Variants in ARMH4 observed in about 807,000 individuals in gnomAD.
ARMH4 encodes the protein armadillo like helical domain containing 4.
Under a neutral mutation model 61.9 loss-of-function variants are expected in ARMH4, and 49 were observed. The observed-to-expected ratio is 0.79, with a 90% confidence interval of 0.63 to 1.00. The LOEUF is 1.00. Among genes scored for constraint, ARMH4 ranks in the 50% least tolerant of loss-of-function variants. The pLI, the probability that ARMH4 is intolerant of heterozygous loss-of-function variation, is 0.00. For missense variants in ARMH4, 934 were observed against 930.0 expected (o/e 1.00, Z -0.06); for synonymous variants, 368 against 341.5 (o/e 1.08, Z -0.85).
chr14:58,116,448 G>A (rs111439524), intron 4 of ARMH4: 5,428 of 375,064 alleles, frequency 0.014, 70 homozygotes, highest in African/African-American at 0.045. Flanking sequence ...GCCGAGGCAG[G>A]CAGACTTCTT....
intron 5 of ARMH4, among the ~76,000 whole-genome samples, chr14:58,085,926 C>T (rs947605217): frequency 2.0e-5 from 3 of 152,094 alleles, no homozygotes; most frequent in Admixed American, 6.6e-5. Context: ...AATGCTACAT[C>T]GTAATAATAA....
intron 1 of ARMH4, among the ~76,000 whole-genome samples, chr14:58,150,202 C>T (rs1029169921): frequency 7.9e-5 from 12 of 152,330 alleles, no homozygotes; most frequent in Admixed American, 1.3e-4. Flanking sequence ...TAAAGGGAAG[C>T]TGAAACTAGC....
Position 58,146,923 on chromosome 14 carries a change from A to G in ARMH4, c.-57+5152T>C, listed in dbSNP as rs181759076. On this transcript the variant is annotated intron_variant, in intron 1 of 7. Coordinates refer to ENST00000267485, the MANE Select transcript of ARMH4 (RefSeq NM_001001872.4). ...TTAAGGCACAATGAGCATCGCCCCA[A>G]GAGTGCTCAAGACACAGGAGGGCTG... Among the ~76,000 whole-genome samples, 32 of 152,346 alleles carry G rather than the reference A, an allele frequency of 2.1e-4. No homozygotes were observed. In the East Asian group the frequency reaches 4.2e-3, roughly 20 times the overall value.
intron 5 of ARMH4, among the ~76,000 whole-genome samples, chr14:58,018,054 GAAA>G (rs1168531957): frequency 1.3e-5 from 2 of 152,126 alleles, no homozygotes; most frequent in Non-Finnish European, 2.9e-5. Context: ...ATTGTTTTGT[GAAA>G]ACTGGATATC....
Position 58,089,110 on chromosome 14 carries a change from G to A in ARMH4, c.2089+7614C>T, listed in dbSNP as rs374829790. Among the ~76,000 whole-genome samples the A allele has an allele frequency of 8.5e-5, 13 of 152,286 alleles. 1 individual carries two copies. The South Asian group carries it at 1.4e-3, about 17-fold the overall frequency. On this transcript the variant is annotated intron_variant, in intron 5 of 7. Transcript: ENST00000267485. ...TAGCCAATCTACCATCTCTCTTTGT[G>A]CTGGTTACATTGGGCTGAGGTTTCT...
intron 5 of ARMH4, among the ~76,000 whole-genome samples, chr14:58,041,515 G>A (rs1883702962): frequency 6.6e-6 from 1 of 152,136 alleles, no homozygotes; most frequent in Non-Finnish European, 1.5e-5. Flanking sequence ...GACCATCGAT[G>A]CTAGGAAGAA....
intron 5 of ARMH4, among the ~76,000 whole-genome samples, chr14:58,071,164 T>A (rs912134736): frequency 2.0e-5 from 3 of 149,664 alleles, no homozygotes; most frequent in African/African-American, 7.3e-5. Context: ...TTATATATAT[T>A]ATATACAATA....
At chr14:58,010,246 G>GTA (rs10541219) in intron 6 of ARMH4, among the ~76,000 whole-genome samples, 3,208 of 151,580 alleles carry the variant, frequency 0.021, 36 homozygotes, top group Non-Finnish European at 0.034. Flanking sequence ...GAAGATATAT[G>GTA]TATATATATA....
At chr14:58,057,228 G>A (rs1026337184) in intron 5 of ARMH4, among the ~76,000 whole-genome samples, 2 of 152,192 alleles carry the variant, frequency 1.3e-5, no homozygotes, top group African/African-American at 2.4e-5. Flanking sequence ...TAAGAAGTAT[G>A]ATGCTTTCCT....
At chr14:58,040,455 G>C (rs1883650157) in intron 5 of ARMH4, among the ~76,000 whole-genome samples, 1 of 152,142 alleles carries the variant, frequency 6.6e-6, no homozygotes, top group Non-Finnish European at 1.5e-5. Context: ...TAGGATAATG[G>C]CCTGCAACTC....
chr14:58,011,364 A>G (rs1297997453), intron 6 of ARMH4, among the ~76,000 whole-genome samples: 2 of 152,220 alleles, frequency 1.3e-5, no homozygotes, highest in Admixed American at 6.5e-5. Flanking sequence ...TGCCATCAAC[A>G]GAAATATATT....
intron 4 of ARMH4, among the ~76,000 whole-genome samples, chr14:58,108,432 C>T (rs1050939276): frequency 6.6e-6 from 1 of 152,214 alleles, no homozygotes; most frequent in South Asian, 2.1e-4. Context: ...AATACTGTTA[C>T]ACCTATCTGC....
intron 1 of ARMH4, chr14:58,141,638 A>G (rs1887557283): frequency 4.8e-6 from 2 of 416,780 alleles, no homozygotes; most frequent in South Asian, 4.0e-5. Context: ...CACACCAACA[A>G]CCTGTACCCC....
chr14:58,113,423 ACTGTT>A (rs1319999678), intron 4 of ARMH4, among the ~76,000 whole-genome samples: 1 of 152,152 alleles, frequency 6.6e-6, no homozygotes, highest in African/African-American at 2.4e-5. Flanking sequence ...AATCAGTGTT[ACTGTT>A]AACACTCCTG....
Position 58,032,700 on chromosome 14 carries a change from G to C in ARMH4, c.2090-20550C>G, listed in dbSNP as rs889748353. Among the ~76,000 whole-genome samples, 6 of 148,638 alleles carry C rather than the reference G, an allele frequency of 4.0e-5. No individual in the cohort carries two copies. The South Asian group carries it at 1.1e-3, about 27-fold the overall frequency. ...GCGCAGGCCAGTGTGTGCGCGCACC[G>C]TGCGCGAGCCGAAGCAGGGTGAGGC... On this transcript the variant is annotated intron_variant, in intron 5 of 7. Transcript: ENST00000267485.
chr14:58,040,925 T>G (rs545951981), intron 5 of ARMH4, among the ~76,000 whole-genome samples: 32 of 152,338 alleles, frequency 2.1e-4, no homozygotes, highest in African/African-American at 7.7e-4. Context: ...AAAGAACTCA[T>G]TCAGAAATGT....
chr14:58,099,284 G>C (rs1450635807), intron 4 of ARMH4, among the ~76,000 whole-genome samples: 2 of 152,146 alleles, frequency 1.3e-5, no homozygotes, highest in Non-Finnish European at 2.9e-5. Flanking sequence ...TAGACAGAAA[G>C]GGAAATGGTC....
chr14:58,052,105 C>A (rs1001749069), intron 5 of ARMH4, among the ~76,000 whole-genome samples: 4 of 152,154 alleles, frequency 2.6e-5, no homozygotes, highest in Admixed American at 2.0e-4. Flanking sequence ...GAATTTGCAA[C>A]CCCTGCTGGC....
At chr14:58,012,952 C>G (rs546673595) in intron 5 of ARMH4, among the ~76,000 whole-genome samples, 1 of 152,074 alleles carries the variant, frequency 6.6e-6, no homozygotes, top group African/African-American at 2.4e-5. Flanking sequence ...ACCCTAATTA[C>G]CTTTCAAAGT....
Sources: gnomAD v4.1 joint callset for allele counts (sites outside exome capture counted in the v4.1 genomes callset) on GRCh38, gnomAD v4.1.1 for gene constraint, MANE v1.5 for transcripts, NCBI Gene and HGNC (gene_info 2026-07-23, HGNC 2026-07-21) for gene names.